SCGB2B2: variants seen among roughly 807,000 people sequenced by gnomAD.
SCGB2B2 encodes secretoglobin family 2B member 2, also known as secretoglobin-like protein.
Under a neutral mutation model 7.6 loss-of-function variants are expected in SCGB2B2, and 11 were observed. That is an observed-to-expected ratio of 1.45 (90% CI 0.91 to 2.40). The LOEUF (loss-of-function observed/expected upper bound fraction) is 2.40. SCGB2B2 is among the 30% of genes most tolerant of loss of function. The pLI is 0.00. For missense variants in SCGB2B2, 104 were observed against 115.4 expected (o/e 0.90, Z 0.45); for synonymous variants, 50 against 48.6 (o/e 1.03, Z -0.12).
intron 1 of SCGB2B2, among the ~76,000 whole-genome samples, chr19:34,630,827 C>T (rs574692661): frequency 0.032 from 4,819 of 151,850 alleles, 192 homozygotes; most frequent in African/African-American, 0.09. Flanking sequence ...ATGTTTATTG[C>T]GGCACTATTC....
At chr19:34,614,500 T>C (rs568776949) in intron 1 of SCGB2B2, among the ~76,000 whole-genome samples, 142 of 152,342 alleles carry the variant, frequency 9.3e-4, no homozygotes, top group African/African-American at 3.2e-3. Flanking sequence ...TTCTGATTCA[T>C]ATCATAAAGT....
At chr19:34,611,945 G>C (rs1204639998) in intron 1 of SCGB2B2, among the ~76,000 whole-genome samples, 1 of 150,256 alleles carries the variant, frequency 6.7e-6, no homozygotes, top group Non-Finnish European at 1.5e-5. Flanking sequence ...GAGCCAATGT[G>C]CCTGGCCCAA....
At chr19:34,665,429 T>C (rs2067587997) in intron 1 of SCGB2B2, among the ~76,000 whole-genome samples, 2 of 152,148 alleles carry the variant, frequency 1.3e-5, no homozygotes, top group Admixed American at 1.3e-4. Flanking sequence ...GTCTCCAGCC[T>C]GGTGACTCCC....
At chr19:34,661,746 G>A (rs1476335018) in intron 1 of SCGB2B2, among the ~76,000 whole-genome samples, 1 of 152,158 alleles carries the variant, frequency 6.6e-6, no homozygotes, top group East Asian at 1.9e-4. Flanking sequence ...GCGGCCTGCA[G>A]GCCCCATGCA....
intron 1 of SCGB2B2, among the ~76,000 whole-genome samples, chr19:34,644,211 G>C (rs1308493082): frequency 6.6e-6 from 1 of 152,042 alleles, no homozygotes; most frequent in Non-Finnish European, 1.5e-5. Context: ...TAAAAATTTT[G>C]TTTGTAGAGG....
chr19:34,602,849 A>G (rs1229585865), intron 1 of SCGB2B2, among the ~76,000 whole-genome samples: 5 of 152,164 alleles, frequency 3.3e-5, no homozygotes, highest in African/African-American at 1.2e-4. Context: ...AGAGCCATTC[A>G]TTAAACTCTC....
intron 1 of SCGB2B2, among the ~76,000 whole-genome samples, chr19:34,653,082 T>C (rs555822723): frequency 6.6e-6 from 1 of 151,508 alleles, no homozygotes; most frequent in South Asian, 2.1e-4. Flanking sequence ...GGAGTCATTG[T>C]TTTAAGCAAA....
intron 1 of SCGB2B2, among the ~76,000 whole-genome samples, chr19:34,599,764 CT>C (rs992385278): frequency 2.6e-5 from 4 of 151,818 alleles, no homozygotes; most frequent in African/African-American, 7.3e-5. Context: ...CCTCTTCCCC[CT>C]GTTCCTCAGT....
rs147191767 is a variant in SCGB2B2, at chr19:34,598,142, C to A, written c.-2031-1548G>T. Among the ~76,000 whole-genome samples the A allele has an allele frequency of 1.1e-4, 16 of 152,214 alleles. No homozygotes were observed. In the East Asian group the frequency reaches 3.1e-3, roughly 29 times the overall value. ...GGCCTTGCCTGAGGCTGACTCGGGG[C>A]TAGGAATTCTCAGAGGTCAGGGCCC... On this transcript the variant is annotated intron_variant, in intron 1 of 3. Coordinates refer to ENST00000601241, the MANE Select transcript of SCGB2B2 (RefSeq NM_001025591.4).
rs376931400 is a variant in SCGB2B2, at chr19:34,651,881, C to T, written c.-2032+23749G>A. On this transcript the variant is annotated intron_variant, in intron 1 of 3. Coordinates refer to ENST00000601241, the MANE Select transcript of SCGB2B2 (RefSeq NM_001025591.4). ...TGGCATAACTTGACTTCAAAATAGACTACAAAGCTATAGTAAACAAAACAG... is the reference window on the plus strand; with the variant it reads ...TGGCATAACTTGACTTCAAAATAGATTACAAAGCTATAGTAAACAAAACAG... Among the ~76,000 whole-genome samples the T allele has an allele frequency of 5.9e-5, 9 of 151,388 alleles. 1 individual carries two copies. The highest frequency in any genetic ancestry group is 2.0e-4 in the African/African-American group (8 of 40,710).
intron 1 of SCGB2B2, among the ~76,000 whole-genome samples, chr19:34,648,404 G>A (rs766408682): frequency 2.2e-4 from 33 of 152,176 alleles, no homozygotes; most frequent in Non-Finnish European, 1.8e-4. Context: ...AGAAATTTTG[G>A]ACAAAGAAGC....
At chr19:34,649,566 C>T (rs1280194113) in intron 1 of SCGB2B2, among the ~76,000 whole-genome samples, 1 of 152,026 alleles carries the variant, frequency 6.6e-6, no homozygotes, top group African/African-American at 2.4e-5. Flanking sequence ...ATCAATAAAC[C>T]GGCCAGGTGT....
intron 1 of SCGB2B2, among the ~76,000 whole-genome samples, chr19:34,606,045 A>G (rs962908854): frequency 1.2e-4 from 18 of 151,808 alleles, no homozygotes; most frequent in African/African-American, 4.3e-4. Context: ...GTAGTTACTA[A>G]AATTTTTTTT....
At chr19:34,606,098 T>C (rs1600042106) in intron 1 of SCGB2B2, among the ~76,000 whole-genome samples, 1 of 151,772 alleles carries the variant, frequency 6.6e-6, no homozygotes, top group East Asian at 1.9e-4. Flanking sequence ...AAATTTTATG[T>C]AGTTTTTTAA....
At chr19:34,667,200 T>C (rs1278679244) in intron 1 of SCGB2B2, among the ~76,000 whole-genome samples, 1 of 152,150 alleles carries the variant, frequency 6.6e-6, no homozygotes, top group Admixed American at 6.5e-5. Flanking sequence ...GACGGGCAGC[T>C]GCCCAGGGAA....
intron 1 of SCGB2B2, among the ~76,000 whole-genome samples, chr19:34,666,845 C>G (rs1435205444): frequency 1.3e-5 from 2 of 152,126 alleles, no homozygotes; most frequent in Non-Finnish European, 2.9e-5. Context: ...GGGGTACCCA[C>G]CCCTCCCTGC....
At chr19:34,632,495 T>C (rs2066562581) in intron 1 of SCGB2B2, among the ~76,000 whole-genome samples, 1 of 152,108 alleles carries the variant, frequency 6.6e-6, no homozygotes. Context: ...GTAGTACACA[T>C]AAAAATTGTA....
chr19:34,657,991 T>C (rs2067327688), intron 1 of SCGB2B2, among the ~76,000 whole-genome samples: 1 of 152,196 alleles, frequency 6.6e-6, no homozygotes. Context: ...TGCTACTGAA[T>C]GACTACTGGG....
At chr19:34,613,636 T>A (rs1001668312) in intron 1 of SCGB2B2, among the ~76,000 whole-genome samples, 1 of 152,238 alleles carries the variant, frequency 6.6e-6, no homozygotes, top group African/African-American at 2.4e-5. Context: ...CTGTCATTGT[T>A]TGTCATTGCA....
Sources: gnomAD v4.1 joint callset for allele counts (sites outside exome capture counted in the v4.1 genomes callset) on GRCh38, gnomAD v4.1.1 for gene constraint, MANE v1.5 for transcripts, NCBI Gene and HGNC (gene_info 2026-07-23, HGNC 2026-07-21) for gene names.